The following EDIL3 variants were observed in gnomAD, a reference collection of about 807,000 sequenced individuals.
EDIL3 encodes EGF-like repeat and discoidin I-like domain-containing protein 3.
EDIL3 carries 37 observed loss-of-function variants against 67.4 expected under a neutral mutation model. The observed-to-expected ratio is 0.55, with a 90% CI of 0.42 to 0.72. EDIL3 has a LOEUF of 0.72. Among genes scored for constraint, EDIL3 ranks in the 30% least tolerant of loss-of-function variants. EDIL3 has a pLI of 0.00. For missense variants in EDIL3, 527 were observed against 586.3 expected (o/e 0.90, Z 1.04); for synonymous variants, 195 against 196.3 (o/e 0.99, Z 0.05).
At chr5:84,365,886 T>C (rs1435232676) in intron 1 of EDIL3, among the ~76,000 whole-genome samples, 1 of 152,104 alleles carries the variant, frequency 6.6e-6, no homozygotes, top group Non-Finnish European at 1.5e-5. Flanking sequence ...TTTCTTTTAA[T>C]CTCTACAACA....
intron 10 of EDIL3, among the ~76,000 whole-genome samples, 200 bp downstream of exon 10, chr5:83,963,005 T>C (rs1744629744): frequency 6.6e-6 from 1 of 151,666 alleles, no homozygotes; most frequent in Non-Finnish European, 1.5e-5. Flanking sequence ...AAAGCAATTT[T>C]TTTCCTCTAG....
intron 6 of EDIL3, among the ~76,000 whole-genome samples, chr5:84,083,358 G>A (rs1580318767): frequency 6.6e-6 from 1 of 151,756 alleles, no homozygotes; most frequent in Admixed American, 6.6e-5. Context: ...CTGTCTTTAG[G>A]GTATGCAAAG....
At chr5:84,314,889 A>T (rs910634237) in intron 1 of EDIL3, among the ~76,000 whole-genome samples, 1 of 152,140 alleles carries the variant, frequency 6.6e-6, no homozygotes, top group Non-Finnish European at 1.5e-5. Context: ...TAAGTAGCCC[A>T]AAAACTATTT....
intron 1 of EDIL3, among the ~76,000 whole-genome samples, chr5:84,289,150 T>C (rs1175141119): frequency 6.6e-6 from 1 of 152,164 alleles, no homozygotes; most frequent in Non-Finnish European, 1.5e-5. Context: ...TGGGAATATA[T>C]AAACAAACAA....
chr5:84,321,720 T>G (rs1187814425), intron 1 of EDIL3, among the ~76,000 whole-genome samples: 1 of 152,182 alleles, frequency 6.6e-6, no homozygotes, highest in Admixed American at 6.5e-5. Flanking sequence ...TTGCTGCTTC[T>G]GATCACAGAG....
intron 1 of EDIL3, among the ~76,000 whole-genome samples, chr5:84,284,950 T>A (rs1297204292): frequency 6.6e-6 from 1 of 152,178 alleles, no homozygotes; most frequent in Admixed American, 6.6e-5. Context: ...TGACATTCTG[T>A]GACCAGAGAA....
chr5:84,271,331 G>A (rs1453959606), intron 1 of EDIL3, among the ~76,000 whole-genome samples: 1 of 151,702 alleles, frequency 6.6e-6, no homozygotes, highest in Non-Finnish European at 1.5e-5. Context: ...GGAGAATGGT[G>A]TGAACCCGGG....
At chr5:84,073,193 A>G (rs62364220) in intron 6 of EDIL3, among the ~76,000 whole-genome samples, 38,631 of 151,994 alleles carry the variant, frequency 0.25, 5,111 homozygotes, top group African/African-American at 0.3. Context: ...GATGGGACGT[A>G]TCTCAAAATA....
chr5:84,257,379 T>C (rs543157355), intron 1 of EDIL3, among the ~76,000 whole-genome samples: 1 of 152,358 alleles, frequency 6.6e-6, no homozygotes, highest in African/African-American at 2.4e-5. Flanking sequence ...TCTCTTCTCC[T>C]TGTAATTTTT....
chr5:84,190,707 C>T (rs111502536), intron 3 of EDIL3, among the ~76,000 whole-genome samples: 1,569 of 151,796 alleles, frequency 0.01, 28 homozygotes, highest in African/African-American at 0.032. Flanking sequence ...CTTCATCAAT[C>T]TTTCTCTGAC....
intron 6 of EDIL3, among the ~76,000 whole-genome samples, chr5:84,082,672 T>A (rs1746990961): frequency 6.6e-6 from 1 of 152,312 alleles, no homozygotes; most frequent in African/African-American, 2.4e-5. Flanking sequence ...TAAATCTCAT[T>A]GTCACATTGA....
At chr5:83,970,902 G>C (rs950839921) in intron 9 of EDIL3, among the ~76,000 whole-genome samples, 1 of 151,334 alleles carries the variant, frequency 6.6e-6, no homozygotes, top group African/African-American at 2.4e-5. Flanking sequence ...TTTTCTAGGA[G>C]AAGACATGCT....
At chr5:84,301,616 T>C (rs527815145) in intron 1 of EDIL3, among the ~76,000 whole-genome samples, 132 of 152,320 alleles carry the variant, frequency 8.7e-4, no homozygotes, top group Non-Finnish European at 1.3e-3. Flanking sequence ...AAGCCTGTCA[T>C]ACTTTTAGTA....
At chr5:84,226,727 A>G (rs912956409) in intron 3 of EDIL3, among the ~76,000 whole-genome samples, 1 of 151,962 alleles carries the variant, frequency 6.6e-6, no homozygotes. Flanking sequence ...ATTCCTTAAG[A>G]GCACATTTGT....
chr5:84,243,760 T>A (rs995378836), intron 2 of EDIL3, among the ~76,000 whole-genome samples: 2 of 152,156 alleles, frequency 1.3e-5, no homozygotes, highest in Non-Finnish European at 2.9e-5. Context: ...CAGGCCTTGA[T>A]TAAAATAAAA....
At chr5:84,025,741 G>C (rs1353650224) in intron 9 of EDIL3, among the ~76,000 whole-genome samples, 2 of 152,080 alleles carry the variant, frequency 1.3e-5, no homozygotes, top group Non-Finnish European at 2.9e-5. Context: ...AATTATGCCA[G>C]CATAATGTAT....
At chr5:84,346,146 T>TC (rs938420266) in intron 1 of EDIL3, among the ~76,000 whole-genome samples, 3 of 148,720 alleles carry the variant, frequency 2.0e-5, no homozygotes, top group African/African-American at 7.4e-5. Context: ...TTTTTTTTTT[T>TC]TTTTTTTGAA....
intron 1 of EDIL3, among the ~76,000 whole-genome samples, chr5:84,296,920 C>A (rs772809694): frequency 6.6e-6 from 1 of 152,100 alleles, no homozygotes; most frequent in Non-Finnish European, 1.5e-5. Context: ...CGCTGGCTCA[C>A]GCCTGCAATC....
chr5:84,096,192 T>G (rs978606397), intron 6 of EDIL3, among the ~76,000 whole-genome samples: 1 of 152,116 alleles, frequency 6.6e-6, no homozygotes, highest in Admixed American at 6.5e-5. Flanking sequence ...GGGCACCACC[T>G]AGTGGAGCTG....
Sources: gnomAD v4.1 joint callset for allele counts (sites outside exome capture counted in the v4.1 genomes callset) on GRCh38, gnomAD v4.1.1 for gene constraint, MANE v1.5 for transcripts, NCBI Gene and HGNC (gene_info 2026-07-23, HGNC 2026-07-21) for gene names.